Variants in PRCC observed in about 807,000 individuals in gnomAD.
PRCC encodes the protein proline-rich protein PRCC.
In PRCC, 10 loss-of-function variants were observed where a neutral mutation model predicts 44.0. The observed-to-expected ratio is 0.23, with a 90% confidence interval of 0.14 to 0.39. The LOEUF (loss-of-function observed/expected upper bound fraction) is 0.39, where lower values mean the gene tolerates loss of function less well. Among genes scored for constraint, PRCC ranks in the 10% least tolerant of loss-of-function variants. The pLI, the probability that PRCC is intolerant of heterozygous loss-of-function variation, is 1.00. For missense variants in PRCC, 573 were observed against 624.7 expected (o/e 0.92, Z 0.88); for synonymous variants, 278 against 259.5 (o/e 1.07, Z -0.69).
At chr1:156,779,120 ATATATATATTTTTTTTTTTTTTTTT>A (rs1376260197) in intron 1 of PRCC, among the ~76,000 whole-genome samples, 2 of 19,648 alleles carry the variant, frequency 1.0e-4, no homozygotes, top group African/African-American at 5.6e-4. Flanking sequence ...ATATATATAT[ATATATATATTTTTTTTTTTTTTTTT>A]TTTTTTTTTT....
chr1:156,769,060 G>A (rs369820114), intron 1 of PRCC, among the ~76,000 whole-genome samples: 1 of 152,242 alleles, frequency 6.6e-6, no homozygotes. Context: ...CTCCTGGAGT[G>A]AGGGCTTTGG....
intron 1 of PRCC, among the ~76,000 whole-genome samples, chr1:156,775,267 T>G (rs1651783854): frequency 6.6e-6 from 1 of 151,682 alleles, no homozygotes; most frequent in Admixed American, 6.6e-5. Context: ...ATTGTTTTTG[T>G]GTGGAGATGG....
At position 156,768,140 on chromosome 1, in the gene PRCC, C is replaced by G; in HGVS notation, c.369C>G (p.Pro123=). 6.4e-7 allele frequency: 1 copy of G among 1,564,692 alleles called. No individual in the cohort carries two copies. The highest frequency in any genetic ancestry group is 2.4e-5 in the East Asian group (1 of 42,540). ...PSPRGPGLNL[P]PPIGGAGPPL... ...CCCGAGGCCCTGGCCTCAATCTGCC[C>G]CCTCCAATTGGCGGTGCCGGTCCCC... The change falls in exon 1 of 7, where the codon CCC becomes CCG. Residue 123 remains proline (P), a synonymous_variant. Coordinates refer to ENST00000271526, the MANE Select transcript of PRCC (RefSeq NM_005973.5).
rs370344462 is a variant in PRCC at position 156,799,364 on chromosome 1, AAACCCATGT to A, written c.1390-1008_1390-1000del. Among the ~76,000 whole-genome samples, 380 of 152,328 alleles carry A rather than the reference AAACCCATGT, an allele frequency of 2.5e-3. 1 individual carries two copies. The highest frequency in any genetic ancestry group is 8.8e-3 in the African/African-American group (364 of 41,580). On this transcript the variant is annotated intron_variant, in intron 6 of 6. Coordinates refer to ENST00000271526, the MANE Select transcript of PRCC (RefSeq NM_005973.5). ...AATATATTAAATATTTATTAGAAAA[AAACCCATGT>A]ATGAGTGGACCTGTGCAGCTCAAAC...
chr1:156,795,587 C>T (rs755534929), intron 5 of PRCC, among the ~76,000 whole-genome samples: 2 of 152,118 alleles, frequency 1.3e-5, no homozygotes, highest in African/African-American at 2.4e-5. Flanking sequence ...TACCCGGCCC[C>T]GGTTAGTTCA....
At chr1:156,797,001 G>T (rs192144115) in intron 5 of PRCC, 35 of 381,848 alleles carry the variant, frequency 9.2e-5, no homozygotes, top group African/African-American at 7.0e-4. Flanking sequence ...TACCAAAGAC[G>T]CAGAAGACAG....
In PRCC at chr1:156,800,487, T is replaced by C. The variant is rs1385136852; in HGVS notation, c.*27T>C. 1 of 1,612,404 alleles carries C rather than the reference T, an allele frequency of 6.2e-7. No individual in the cohort carries two copies. The highest frequency in any genetic ancestry group is 8.5e-7 in the Non-Finnish European group (1 of 1,178,718). ...GCTCTGGAACTGATTGCTCCCAGGA[T>C]CTCCTGCCAGCCCAGCTGGCCTGGC... On this transcript the variant is annotated 3_prime_UTR_variant, in exon 7 of 7. Transcript: ENST00000271526.
rs1409215467 is a variant in PRCC at position 156,791,752 on chromosome 1, A to G, written c.1139A>G (p.Gln380Arg). ...CAGGACCCGGCCCTGGTCCCCCCCCAGGAAATTGCCCCAGATGCCTCCTTC... is the reference window on the plus strand; with the variant it reads ...CAGGACCCGGCCCTGGTCCCCCCCCGGGAAATTGCCCCAGATGCCTCCTTC... Reference protein sequence around the residue: ...PAQDPALVPPQEIAPDASFID... With the variant: ...PAQDPALVPPREIAPDASFID... The change falls in exon 4 of 7, where the codon CAG (glutamine) becomes CGG (arginine). Residue 380 changes from glutamine (Q) to arginine (R), a missense_variant. Physicochemically the swap from Gln to Arg is conservative, Grantham distance 43. Around this residue, in one of 4 missense-constraint regions of PRCC, gnomAD observed 141 missense variants for 130.2 expected, o/e 1.08. Transcript: ENST00000271526. The G allele has an allele frequency of 5.0e-6, 8 of 1,613,712 alleles. No homozygotes were observed. Among genetic ancestry groups the G allele is most frequent in the Non-Finnish European group, 6.8e-6 (8 of 1,179,962 alleles).
At chr1:156,779,927 G>C (rs1461793021) in intron 1 of PRCC, among the ~76,000 whole-genome samples, 1 of 149,700 alleles carries the variant, frequency 6.7e-6, no homozygotes, top group Non-Finnish European at 1.5e-5. Flanking sequence ...AGTCTGCTCT[G>C]TTACCCAGGC....
rs767971119 is a variant in PRCC at position 156,768,013 on chromosome 1, C to G, written c.242C>G (p.Pro81Arg). Reference sequence around the variant, plus strand: ...GGAGACCCCAGGCTTCAGCCTCCTCCCCCCTTGCCCTTCGGCCTGGGAGGC... The same window carrying G: ...GGAGACCCCAGGCTTCAGCCTCCTCGCCCCTTGCCCTTCGGCCTGGGAGGC... The part of the protein sequence containing the change: ...PTGDPRLQPP[P>R]PLPFGLGGFP... The change falls in exon 1 of 7, where the codon CCC (proline) becomes CGC (arginine). Residue 81 changes from proline to arginine, a missense_variant. By Grantham distance (103) the Pro-to-Arg change is moderately radical. Around this residue, in one of 4 missense-constraint regions of PRCC, gnomAD observed 245 missense variants for 188.5 expected, o/e 1.30. Transcript: ENST00000271526. The G allele has an allele frequency of 6.4e-7, 1 of 1,569,034 alleles. No homozygotes were observed. The highest frequency in any genetic ancestry group is 2.3e-5 in the East Asian group (1 of 42,948).
rs1190803247 is a variant in PRCC at position 156,800,549 on chromosome 1, C to A, written c.*89C>A. The A allele has an allele frequency of 7.6e-7, 1 of 1,320,526 alleles. No homozygotes were observed. The highest frequency in any genetic ancestry group is 1.1e-6 in the Non-Finnish European group (1 of 920,628). 81.8% of individuals were successfully genotyped at this position (1,320,526 alleles called of 1,614,324 possible). ...CCTCTGGGACCCCAGCTGCTCTAAG[C>A]CCAGGATCTCTTTCCCCAAGGACCC... On this transcript the variant is annotated 3_prime_UTR_variant, in exon 7 of 7. Transcript: ENST00000271526.
intron 1 of PRCC, among the ~76,000 whole-genome samples, chr1:156,773,058 G>A (rs1651690213): frequency 6.6e-6 from 1 of 152,148 alleles, no homozygotes; most frequent in African/African-American, 2.4e-5. Flanking sequence ...GAGTGAAAAC[G>A]GTATCCTAGC....
chr1:156,782,432 C>A, intron 2 of PRCC, 103 bp downstream of exon 2: 1 of 1,060,020 alleles, frequency 9.4e-7, no homozygotes, highest in Non-Finnish European at 1.3e-6. Flanking sequence ...TTAGAGCAAA[C>A]ACAGATATTT....
intron 3 of PRCC, among the ~76,000 whole-genome samples, chr1:156,790,190 G>A (rs182840497): frequency 3.9e-5 from 6 of 152,396 alleles, no homozygotes; most frequent in Admixed American, 6.5e-5. Context: ...AGTGAAGAGA[G>A]AGGGCTTTGT....
intron 3 of PRCC, chr1:156,791,010 T>C: frequency 9.8e-7 from 1 of 1,022,060 alleles, no homozygotes; most frequent in Non-Finnish European, 1.4e-6. Context: ...GCCCTGTGGC[T>C]GCCTGACTTC....
At chr1:156,772,980 G>A (rs757986249) in intron 1 of PRCC, among the ~76,000 whole-genome samples, 1 of 152,176 alleles carries the variant, frequency 6.6e-6, no homozygotes, top group African/African-American at 2.4e-5. Context: ...GGGTGTCTAT[G>A]GAAAACATGG....
intron 3 of PRCC, chr1:156,791,444 T>C (rs1030367748): frequency 1.9e-6 from 1 of 527,276 alleles, no homozygotes; most frequent in African/African-American, 1.9e-5. Flanking sequence ...ACTGTCTTTG[T>C]TTCTTGTTAC....
At chr1:156,788,132 GC>G (rs1190693612) in intron 3 of PRCC, among the ~76,000 whole-genome samples, 1 of 152,198 alleles carries the variant, frequency 6.6e-6, no homozygotes, top group African/African-American at 2.4e-5. Context: ...ACCACACTTG[GC>G]TGTAATAGGT....
chr1:156,797,604 C>T (rs1045024713), intron 6 of PRCC, among the ~76,000 whole-genome samples: 1 of 152,136 alleles, frequency 6.6e-6, no homozygotes, highest in Non-Finnish European at 1.5e-5. Flanking sequence ...ATATCCAAAA[C>T]ATAATGTAAG....
Sources: gnomAD v4.1 joint callset for allele counts (sites outside exome capture counted in the v4.1 genomes callset) on GRCh38, gnomAD v4.1.1 for gene constraint, gnomAD v4.1.1 regional missense constraint, MANE v1.5 for transcripts, NCBI Gene and HGNC (gene_info 2026-07-23, HGNC 2026-07-21) for gene names.